Variants in EYA1 observed in about 807,000 individuals in gnomAD.
EYA1 encodes EYA transcriptional coactivator and phosphatase 1, also known as protein phosphatase EYA1.
A neutral mutation model predicts 82.0 loss-of-function variants in EYA1; 16 were observed. The observed-to-expected ratio is 0.20, with a 90% CI of 0.13 to 0.30. The LOEUF is 0.30. EYA1 is among the 10% of genes least tolerant of loss of function. The pLI is 1.00. For synonymous variants in EYA1, 261 were observed against 264.4 expected, an observed-to-expected ratio of 0.99 and a Z score of 0.12; for missense variants, 633 against 730.7, an observed-to-expected ratio of 0.87 and a Z score of 1.54.
intron 2 of EYA1, among the ~76,000 whole-genome samples, chr8:71,484,646 C>T (rs1273303260): frequency 6.6e-6 from 1 of 152,208 alleles, no homozygotes; most frequent in Admixed American, 6.5e-5. Context: ...TCATTTTGCA[C>T]TGGGTCCTGC....
At chr8:71,285,759 G>A (rs576511778) in intron 9 of EYA1, among the ~76,000 whole-genome samples, 2 of 152,308 alleles carry the variant, frequency 1.3e-5, no homozygotes, top group Admixed American at 6.5e-5. Context: ...CAAAGTAAGT[G>A]CTTCCTGAGC....
intron 2 of EYA1, among the ~76,000 whole-genome samples, chr8:71,369,624 T>TAATTA (rs1827972322): frequency 6.6e-6 from 1 of 152,228 alleles, no homozygotes; most frequent in Non-Finnish European, 1.5e-5. Flanking sequence ...CAAATCAATT[T>TAATTA]AATTAAATGA....
intron 6 of EYA1, among the ~76,000 whole-genome samples, chr8:71,320,757 A>G (rs182779353): frequency 9.2e-5 from 14 of 152,234 alleles, no homozygotes; most frequent in African/African-American, 3.1e-4. Context: ...TTACCTTCTA[A>G]TTATTAATGA....
chr8:71,299,347 C>T (rs866848814), intron 8 of EYA1, 114 bp from the exon 9 acceptor site: 24 of 1,015,158 alleles, frequency 2.4e-5, no homozygotes, highest in Middle Eastern at 2.6e-4. Flanking sequence ...TGAATTCACA[C>T]GGGGGCATAC....
At chr8:71,480,640 C>G (rs913681281) in intron 2 of EYA1, among the ~76,000 whole-genome samples, 2 of 151,904 alleles carry the variant, frequency 1.3e-5, no homozygotes, top group Non-Finnish European at 2.9e-5. Flanking sequence ...AAAACCTGAG[C>G]CTAATTTCTC....
intron 12 of EYA1, among the ~76,000 whole-genome samples, chr8:71,219,157 T>C (rs1489711840): frequency 6.6e-6 from 1 of 152,226 alleles, no homozygotes; most frequent in African/African-American, 2.4e-5. Flanking sequence ...ATTTGTTTTC[T>C]CCTGCCAGCT....
chr8:71,362,377 A>G (rs1239232110), upstream of EYA1: 4 of 189,354 alleles, frequency 2.1e-5, no homozygotes, highest in African/African-American at 9.5e-5. Flanking sequence ...GTCAACACAC[A>G]CGCGTCCTCT....
At chr8:71,247,664 T>C (rs1320922609) in intron 11 of EYA1, among the ~76,000 whole-genome samples, 1 of 152,170 alleles carries the variant, frequency 6.6e-6, no homozygotes, top group African/African-American at 2.4e-5. Flanking sequence ...CATTTACTCT[T>C]GGATTTATAA....
intron 1 of EYA1, among the ~76,000 whole-genome samples, chr8:71,357,718 T>C (rs1341353876): frequency 1.3e-5 from 2 of 152,212 alleles, no homozygotes; most frequent in Non-Finnish European, 2.9e-5. Context: ...GAATAAAGCA[T>C]CATTAAAGTC....
intron 2 of EYA1, among the ~76,000 whole-genome samples, chr8:71,383,355 CAT>C (rs1282946038): frequency 2.6e-5 from 4 of 152,082 alleles, no homozygotes; most frequent in East Asian, 1.9e-4. Context: ...AACTCCTACA[CAT>C]GAGTGCAAAG....
At chr8:71,515,118 A>G (rs1586865972) in intron 2 of EYA1, among the ~76,000 whole-genome samples, 1 of 152,142 alleles carries the variant, frequency 6.6e-6, no homozygotes, top group East Asian at 1.9e-4. Context: ...AAGCAGAACA[A>G]AATCATCTTG....
chr8:71,214,647 C>T (rs905359349), intron 16 of EYA1, among the ~76,000 whole-genome samples: 2 of 152,120 alleles, frequency 1.3e-5, no homozygotes, highest in African/African-American at 4.8e-5. Flanking sequence ...TTACTTAAGT[C>T]TCTGGACTTT....
chr8:71,209,062 G>A (rs1808191469), intron 17 of EYA1, among the ~76,000 whole-genome samples: 1 of 152,212 alleles, frequency 6.6e-6, no homozygotes, highest in South Asian at 2.1e-4. Context: ...AGAGGGAGAA[G>A]GACCAGCCTG....
At chr8:71,425,877 G>A (rs926865929) in intron 2 of EYA1, among the ~76,000 whole-genome samples, 2 of 152,222 alleles carry the variant, frequency 1.3e-5, no homozygotes, top group Non-Finnish European at 2.9e-5. Context: ...AATGGGGAAA[G>A]AAAGCAAACG....
chr8:71,274,555 C>T (rs978012696), intron 9 of EYA1, among the ~76,000 whole-genome samples: 2 of 152,120 alleles, frequency 1.3e-5, no homozygotes, highest in African/African-American at 4.8e-5. Flanking sequence ...ATGTCACGTT[C>T]ACACCATGCA....
At chr8:71,233,865 A>T (rs1351343820) in intron 12 of EYA1, among the ~76,000 whole-genome samples, 2 of 152,216 alleles carry the variant, frequency 1.3e-5, no homozygotes, top group African/African-American at 4.8e-5. Flanking sequence ...ATTTGAAAAT[A>T]AGTAATTAAA....
intron 2 of EYA1, among the ~76,000 whole-genome samples, chr8:71,446,026 C>T (rs1374353612): frequency 6.6e-6 from 1 of 152,098 alleles, no homozygotes; most frequent in African/African-American, 2.4e-5. Flanking sequence ...GACATAAGGA[C>T]TTGGTAAATA....
At chr8:71,382,610 G>T (rs1389035244) in intron 2 of EYA1, among the ~76,000 whole-genome samples, 1 of 152,084 alleles carries the variant, frequency 6.6e-6, no homozygotes, top group Non-Finnish European at 1.5e-5. Flanking sequence ...GATAAGTGAT[G>T]TTATGGACAG....
At chr8:71,533,666 C>G (rs892180421) in intron 2 of EYA1, among the ~76,000 whole-genome samples, 6 of 152,188 alleles carry the variant, frequency 3.9e-5, no homozygotes, top group Admixed American at 2.6e-4. Flanking sequence ...CTCTCTCCCC[C>G]ACTTCCTAAA....
Sources: allele counts gnomAD v4.1 joint callset (sites outside exome capture counted in the v4.1 genomes callset), GRCh38; gene constraint gnomAD v4.1.1; transcripts MANE v1.5; gene names NCBI Gene and HGNC (gene_info 2026-07-23, HGNC 2026-07-21).